The following COL24A1 variants were observed in gnomAD, a reference collection of about 807,000 sequenced individuals.
COL24A1 encodes the protein collagen type XXIV alpha 1 chain.
In COL24A1, 224 loss-of-function variants were observed where a neutral mutation model predicts 253.9. The ratio of observed to expected loss-of-function variants is 0.88; its 90% CI spans 0.79 to 0.99. The LOEUF is 0.99. Ranked by LOEUF, COL24A1 falls within the 50% of genes least tolerant of loss-of-function variation. COL24A1 has a pLI of 0.00. For synonymous variants in COL24A1, 685 were observed against 673.7 expected (o/e 1.02, Z -0.26); for missense variants, 2,131 against 2,068.5 (o/e 1.03, Z -0.59).
chr1:85,984,307 T>C (rs1244767399), intron 20 of COL24A1, among the ~76,000 whole-genome samples: 1 of 151,862 alleles, frequency 6.6e-6, no homozygotes, highest in Non-Finnish European at 1.5e-5. Flanking sequence ...GAAGTACATA[T>C]TTCTCAATTA....
At chr1:85,784,502 T>C (rs1241333702) in intron 48 of COL24A1, 136 bp from the exon 49 acceptor site, 1 of 597,552 alleles carries the variant, frequency 1.7e-6, no homozygotes, top group African/African-American at 1.9e-5. Flanking sequence ...AAATTTTGCA[T>C]GTTCATCTTG....
At chr1:86,121,119 C>T (rs544902730) in intron 3 of COL24A1, among the ~76,000 whole-genome samples, 49 of 152,210 alleles carry the variant, frequency 3.2e-4, no homozygotes, top group African/African-American at 1.2e-3. Context: ...GGGTGGGGAA[C>T]ATCACACACC....
chr1:85,877,447 C>T (rs1681310032), intron 32 of COL24A1, among the ~76,000 whole-genome samples: 1 of 152,182 alleles, frequency 6.6e-6, no homozygotes, highest in Non-Finnish European at 1.5e-5. Flanking sequence ...ACTGCAACCT[C>T]CGCCTCCCAG....
intron 19 of COL24A1, among the ~76,000 whole-genome samples, chr1:86,004,302 T>C (rs527923644): frequency 6.6e-6 from 1 of 152,222 alleles, no homozygotes; most frequent in Non-Finnish European, 1.5e-5. Flanking sequence ...CTAGCACTAC[T>C]ATCTAGAGGC....
At position 85,734,925 on chromosome 1, in the gene COL24A1, G is replaced by A; in HGVS notation, c.4822C>T (p.His1608Tyr). The A allele has an allele frequency of 1.2e-6, 2 of 1,614,186 alleles. No individual in the cohort carries two copies. Among genetic ancestry groups the A allele is most frequent in the Middle Eastern group, 1.6e-4 (1 of 6,062 alleles). The part of the protein sequence containing the change: ...GVGKVQMNFL[H>Y]LLSSEATHII... ...TGGGTGGCTTCCGAACTCAGTAAAT[G>A]AAGGAAGTTCATCTGGACTTTCCCA... The change falls in exon 59 of 60, where the codon CAT becomes TAT. Residue 1608 changes from histidine (H) to tyrosine (Y), a missense_variant. Transcript: ENST00000370571.
At chr1:86,087,669 T>C (rs1028034017) in intron 7 of COL24A1, among the ~76,000 whole-genome samples, 1 of 152,218 alleles carries the variant, frequency 6.6e-6, no homozygotes, top group Non-Finnish European at 1.5e-5. Context: ...ACTAAAGTAA[T>C]TGAGATCATA....
chr1:86,043,431 C>T (rs1041001192), intron 12 of COL24A1, among the ~76,000 whole-genome samples: 2 of 152,110 alleles, frequency 1.3e-5, no homozygotes, highest in Non-Finnish European at 2.9e-5. Context: ...AGTACATCTT[C>T]TAATACGATT....
chr1:85,951,442 A>G (rs894367043), intron 24 of COL24A1, among the ~76,000 whole-genome samples: 11 of 152,122 alleles, frequency 7.2e-5, no homozygotes, highest in African/African-American at 2.4e-4. Context: ...TGGGAAAGCG[A>G]AGGTCTTTAG....
At chr1:86,043,162 T>C (rs528977314) in intron 12 of COL24A1, among the ~76,000 whole-genome samples, 1 of 152,272 alleles carries the variant, frequency 6.6e-6, no homozygotes, top group East Asian at 1.9e-4. Context: ...TATAGATTTC[T>C]CTAAAAATAT....
chr1:85,867,691 T>TACA (rs1424910057), intron 37 of COL24A1, among the ~76,000 whole-genome samples: 7 of 114,510 alleles, frequency 6.1e-5, no homozygotes, highest in Non-Finnish European at 1.4e-4. Context: ...TCTGGAAGAC[T>TACA]ATAATAAATT....
intron 12 of COL24A1, among the ~76,000 whole-genome samples, chr1:86,039,175 G>A (rs1699265634): frequency 6.6e-6 from 1 of 152,080 alleles, no homozygotes; most frequent in African/African-American, 2.4e-5. Flanking sequence ...AGAGCCCAGA[G>A]CAAGTTTCTC....
At chr1:86,128,940 T>A (rs1442162982) in intron 2 of COL24A1, among the ~76,000 whole-genome samples, 1 of 151,892 alleles carries the variant, frequency 6.6e-6, no homozygotes, top group East Asian at 1.9e-4. Flanking sequence ...TCTCTTATTG[T>A]CCTATATTTA....
At chr1:85,826,785 G>T (rs1256208218) in intron 43 of COL24A1, among the ~76,000 whole-genome samples, 2 of 151,960 alleles carry the variant, frequency 1.3e-5, no homozygotes, top group African/African-American at 4.8e-5. Context: ...TGTATCCTGA[G>T]ACTTTGCTGA....
intron 28 of COL24A1, among the ~76,000 whole-genome samples, chr1:85,903,938 G>A (rs1032084493): frequency 2.1e-4 from 32 of 152,084 alleles, no homozygotes; most frequent in Admixed American, 7.9e-4. Flanking sequence ...ACTATTTCAG[G>A]AGAAGAAACC....
chr1:86,058,114 A>G, intron 9 of COL24A1, 139 bp from the exon 10 acceptor site: 3 of 545,930 alleles, frequency 5.5e-6, no homozygotes, highest in East Asian at 3.1e-5. Flanking sequence ...AATGAAGATT[A>G]CCAATGTTCA....
intron 1 of COL24A1, among the ~76,000 whole-genome samples, chr1:86,151,914 A>G (rs1363751160): frequency 6.6e-6 from 1 of 152,212 alleles, no homozygotes; most frequent in African/African-American, 2.4e-5. Flanking sequence ...AAAATGGTGA[A>G]CAAATCTGAA....
intron 51 of COL24A1, among the ~76,000 whole-genome samples, chr1:85,781,920 C>T (rs1669186386): frequency 2.6e-5 from 4 of 152,178 alleles, no homozygotes; most frequent in Admixed American, 2.6e-4. Flanking sequence ...TATAATTTCT[C>T]AGTGAATACA....
chr1:85,802,064 T>C (rs1460716236), intron 47 of COL24A1, among the ~76,000 whole-genome samples: 13 of 152,200 alleles, frequency 8.5e-5, no homozygotes, highest in Admixed American at 8.5e-4. Context: ...GTTCAAACCG[T>C]GAACACCTAT....
chr1:85,894,466 G>T (rs983238781), intron 31 of COL24A1, among the ~76,000 whole-genome samples: 1 of 152,014 alleles, frequency 6.6e-6, no homozygotes, highest in Non-Finnish European at 1.5e-5. Context: ...GGTCAACAAT[G>T]AATGACCTAT....
Sources: gnomAD v4.1 joint callset for allele counts (sites outside exome capture counted in the v4.1 genomes callset) on GRCh38, gnomAD v4.1.1 for gene constraint, MANE v1.5 for transcripts, NCBI Gene and HGNC (gene_info 2026-07-23, HGNC 2026-07-21) for gene names.